The following STIM2 variants were observed in gnomAD, a reference collection of about 807,000 sequenced individuals.
The protein encoded by STIM2 is stromal interaction molecule 2.
Under a neutral mutation model 85.8 loss-of-function variants are expected in STIM2, and 31 were observed. The ratio of observed to expected loss-of-function variants is 0.36; its 90% CI spans 0.27 to 0.49. STIM2 has a LOEUF of 0.49. Among genes scored for constraint, STIM2 ranks in the 20% least tolerant of loss-of-function variants. STIM2 has a pLI of 0.98. For missense variants in STIM2, 841 were observed against 927.6 expected, an observed-to-expected ratio of 0.91 and a Z score of 1.21; for synonymous variants, 356 against 331.1, an observed-to-expected ratio of 1.08 and a Z score of -0.82.
chr4:26,951,466 T>G (rs1174353319), intron 2 of STIM2, among the ~76,000 whole-genome samples: 2 of 152,132 alleles, frequency 1.3e-5, no homozygotes, highest in Non-Finnish European at 2.9e-5. Context: ...ACGGCACAGT[T>G]GTTTGTTTCT....
rs530477382 is a variant in STIM2 at position 26,954,679 on chromosome 4, C to CT, written c.283-2927dup. On this transcript the variant is annotated intron_variant, in intron 2 of 11. Coordinates refer to ENST00000467087, the MANE Select transcript of STIM2 (RefSeq NM_020860.4). ...AAGTCTGAACAATCAGAATTATATG[C>CT]TTTTTTCTTTAGGATACTGGGAAAA... 2.1e-4 allele frequency among the ~76,000 whole-genome samples: 31 copies of CT among 147,924 alleles called. 2 individuals carry two copies. Among genetic ancestry groups the CT allele is most frequent in the Non-Finnish European group, 4.0e-4 (27 of 67,122 alleles).
intron 1 of STIM2, among the ~76,000 whole-genome samples, chr4:26,884,013 A>C (rs897254785): frequency 6.6e-6 from 1 of 152,216 alleles, no homozygotes; most frequent in Admixed American, 6.5e-5. Context: ...CTCTCAGCAA[A>C]CCAAGGAAGT....
At chr4:26,890,786 T>G (rs536625472) in intron 1 of STIM2, among the ~76,000 whole-genome samples, 2 of 141,860 alleles carry the variant, frequency 1.4e-5, no homozygotes, top group East Asian at 4.1e-4. Flanking sequence ...ATCCCGCCAC[T>G]GCACTCCAGC....
rs981389252 is a variant in STIM2 at position 26,869,379 on chromosome 4, T to C, written c.151+8010T>C. On this transcript the variant is annotated intron_variant, in intron 1 of 11. Coordinates refer to ENST00000467087, the MANE Select transcript of STIM2 (RefSeq NM_020860.4). ...TACATATGGGTCCTAAAAAGAACTA[T>C]AGAGGGTTAAAGTGAGAAAGCCAGT... is the stretch of plus-strand genomic sequence containing the variant. Among the ~76,000 whole-genome samples, 6 of 151,096 alleles carry C rather than the reference T, an allele frequency of 4.0e-5. No homozygotes were observed. In the South Asian group the frequency reaches 1.0e-3, roughly 26 times the overall value.
At chr4:26,978,170 G>T (rs1363241971) in intron 3 of STIM2, among the ~76,000 whole-genome samples, 1 of 151,592 alleles carries the variant, frequency 6.6e-6, no homozygotes, top group Non-Finnish European at 1.5e-5. Context: ...ATGGGACTCT[G>T]ATACATGAAG....
At chr4:27,002,471 A>C in intron 6 of STIM2, 77 bp downstream of exon 6, 2 of 1,149,846 alleles carry the variant, frequency 1.7e-6, no homozygotes, top group Non-Finnish European at 2.5e-6. Context: ...CATGTGCTTA[A>C]ATACTTACAT....
chr4:26,960,154 C>A (rs897573213), intron 3 of STIM2, among the ~76,000 whole-genome samples: 1 of 152,124 alleles, frequency 6.6e-6, no homozygotes, highest in African/African-American at 2.4e-5. Flanking sequence ...GTGTGCCGGG[C>A]TCTGCTTTTA....
intron 1 of STIM2, chr4:26,874,057 G>A: frequency 1.5e-6 from 1 of 659,610 alleles, no homozygotes; most frequent in Non-Finnish European, 2.9e-6. Flanking sequence ...TGGATTCTCT[G>A]GGACTTGGCA....
chr4:26,931,214 G>A (rs1356974862), intron 2 of STIM2, among the ~76,000 whole-genome samples: 1 of 152,146 alleles, frequency 6.6e-6, no homozygotes, highest in African/African-American at 2.4e-5. Flanking sequence ...GGGCAGTAAT[G>A]TGGACGTCAT....
chr4:27,000,791 A>C (rs1728125672), intron 5 of STIM2, among the ~76,000 whole-genome samples: 1 of 148,042 alleles, frequency 6.8e-6, no homozygotes, highest in South Asian at 2.2e-4. Flanking sequence ...AGCATTGTCA[A>C]ATGAACAGAG....
intron 2 of STIM2, 82 bp downstream of exon 2, chr4:26,919,716 C>T: frequency 6.6e-7 from 1 of 1,512,126 alleles, no homozygotes; most frequent in East Asian, 2.4e-5. Context: ...TTTTCTCTTT[C>T]CTCATGTGGC....
intron 10 of STIM2, among the ~76,000 whole-genome samples, chr4:27,011,848 A>C (rs1053456057): frequency 6.6e-5 from 10 of 152,108 alleles, no homozygotes; most frequent in African/African-American, 2.4e-4. Flanking sequence ...AGAGTTGCAA[A>C]TATCTTCTAA....
intron 3 of STIM2, among the ~76,000 whole-genome samples, chr4:26,990,419 C>T (rs1388102142): frequency 6.6e-6 from 1 of 152,132 alleles, no homozygotes; most frequent in Admixed American, 6.6e-5. Context: ...AAGAATGAAT[C>T]TAGATCTCTA....
chr4:26,991,598 A>T (rs1184910271), intron 3 of STIM2, among the ~76,000 whole-genome samples: 4 of 152,182 alleles, frequency 2.6e-5, no homozygotes, highest in African/African-American at 9.6e-5. Flanking sequence ...TGGAGAAAAG[A>T]TAAATGTTTG....
At chr4:26,949,078 C>T (rs931530287) in intron 2 of STIM2, among the ~76,000 whole-genome samples, 3 of 152,052 alleles carry the variant, frequency 2.0e-5, no homozygotes, top group Admixed American at 1.3e-4. Context: ...TCACTTTTTA[C>T]GGACTTAGAA....
chr4:26,974,836 C>T (rs1727119650), intron 3 of STIM2, among the ~76,000 whole-genome samples: 1 of 152,140 alleles, frequency 6.6e-6, no homozygotes, highest in African/African-American at 2.4e-5. Flanking sequence ...GAGTGTTTTC[C>T]AACTTGGGTC....
At chr4:26,899,749 A>C (rs760133645) in intron 1 of STIM2, among the ~76,000 whole-genome samples, 1 of 152,214 alleles carries the variant, frequency 6.6e-6, no homozygotes, top group Admixed American at 6.6e-5. Context: ...GTAAACAACT[A>C]TTTAGCATAT....
At chr4:26,976,213 G>A (rs1727186000) in intron 3 of STIM2, among the ~76,000 whole-genome samples, 1 of 151,928 alleles carries the variant, frequency 6.6e-6, no homozygotes, top group African/African-American at 2.4e-5. Flanking sequence ...CGGGTGATGC[G>A]ATGCCCTGCC....
chr4:26,897,174 A>G (rs190391935), intron 1 of STIM2, among the ~76,000 whole-genome samples: 1 of 152,294 alleles, frequency 6.6e-6, no homozygotes, highest in African/African-American at 2.4e-5. Flanking sequence ...CATGTCCAGG[A>G]GTGATGTTTA....
Sources: gnomAD v4.1 joint callset for allele counts (sites outside exome capture counted in the v4.1 genomes callset) on GRCh38, gnomAD v4.1.1 for gene constraint, MANE v1.5 for transcripts, NCBI Gene and HGNC (gene_info 2026-07-23, HGNC 2026-07-21) for gene names.